RBFOX1: variants seen among roughly 807,000 people sequenced by gnomAD.
RBFOX1 encodes the protein RNA binding protein fox-1 homolog 1.
Under a neutral mutation model 57.7 loss-of-function variants are expected in RBFOX1, and 8 were observed. The ratio of observed to expected loss-of-function variants is 0.14; its 90% CI spans 0.08 to 0.25. The LOEUF (loss-of-function observed/expected upper bound fraction) is 0.25. Among genes scored for constraint, RBFOX1 ranks in the 10% least tolerant of loss-of-function variants. The probability of loss-of-function intolerance (pLI) is 1.00; values close to 1 mark genes in which losing one functional copy is unlikely to be tolerated. For missense variants in RBFOX1, 611 were observed against 548.5 expected (o/e 1.11, Z -1.14); for synonymous variants, 326 against 222.4 (o/e 1.47, Z -4.15).
chr16:5,921,612 A>G (rs1199773779), intron 4 of RBFOX1, among the ~76,000 whole-genome samples: 1 of 152,176 alleles, frequency 6.6e-6, no homozygotes, highest in Non-Finnish European at 1.5e-5. Flanking sequence ...AGGAAAAGGA[A>G]GTGTGTTAGG....
intron 3 of RBFOX1, among the ~76,000 whole-genome samples, chr16:6,795,801 C>G (rs139743113): frequency 6.6e-6 from 1 of 151,420 alleles, no homozygotes; most frequent in South Asian, 2.1e-4. Context: ...AGATAGTCAT[C>G]GTTGCTTTCT....
At chr16:5,807,166 A>C (rs1056812560) in intron 3 of RBFOX1, among the ~76,000 whole-genome samples, 9 of 152,150 alleles carry the variant, frequency 5.9e-5, no homozygotes, top group Non-Finnish European at 1.3e-4. Context: ...TTAACCTCTC[A>C]GAGCCTTCTT....
intron 3 of RBFOX1, among the ~76,000 whole-genome samples, chr16:5,830,322 C>G (rs529892919): frequency 6.6e-6 from 1 of 151,882 alleles, no homozygotes; most frequent in Non-Finnish European, 1.5e-5. Context: ...ATCCAATTGT[C>G]TAACAGGCCT....
intron 3 of RBFOX1, among the ~76,000 whole-genome samples, chr16:6,804,806 C>T (rs1438339499): frequency 2.0e-5 from 3 of 152,156 alleles, no homozygotes; most frequent in Non-Finnish European, 1.5e-5. Context: ...TGTGCATTTG[C>T]CACTCTGACT....
intron 2 of RBFOX1, among the ~76,000 whole-genome samples, chr16:5,518,024 A>G (rs1211966358): frequency 6.6e-6 from 1 of 152,118 alleles, no homozygotes; most frequent in Non-Finnish European, 1.5e-5. Context: ...ATTATTCAAA[A>G]CTAATGTTAA....
At chr16:5,658,505 A>T (rs930841082) in intron 3 of RBFOX1, among the ~76,000 whole-genome samples, 2 of 152,054 alleles carry the variant, frequency 1.3e-5, no homozygotes, top group Non-Finnish European at 2.9e-5. Flanking sequence ...TGATTTTCCA[A>T]TTTAACTCAC....
At chr16:7,264,051 T>C (rs1356847125) in intron 4 of RBFOX1, among the ~76,000 whole-genome samples, 1 of 152,154 alleles carries the variant, frequency 6.6e-6, no homozygotes, top group African/African-American at 2.4e-5. Context: ...CTAGACACTT[T>C]GCTTTTAGCA....
In RBFOX1 at chr16:7,407,451, T is replaced by C. The variant is rs566648071; in HGVS notation, c.28-110696T>C. Among the ~76,000 whole-genome samples, 10 of 152,050 alleles carry C rather than the reference T, an allele frequency of 6.6e-5. No individual in the cohort carries two copies. In the East Asian group the frequency reaches 1.9e-3, roughly 30 times the overall value. On this transcript the variant is annotated intron_variant, in intron 4 of 15. Transcript: ENST00000550418. ...AATGGCACACAGCAAAAAGAAGCCA[T>C]GATACTAATTATTCTCAGACAGGTA... is the stretch of plus-strand genomic sequence containing the variant.
At chr16:7,488,636 C>G (rs557487439) in intron 4 of RBFOX1, among the ~76,000 whole-genome samples, 1 of 152,176 alleles carries the variant, frequency 6.6e-6, no homozygotes, top group Admixed American at 6.5e-5. Context: ...ATTTACCTAT[C>G]ACTCTATTTG....
intron 3 of RBFOX1, among the ~76,000 whole-genome samples, chr16:5,788,112 C>T (rs190655902): frequency 7.9e-4 from 121 of 152,220 alleles, no homozygotes; most frequent in African/African-American, 2.8e-3. Context: ...GGCGGAGATT[C>T]GACTGCTGAA....
intron 3 of RBFOX1, among the ~76,000 whole-genome samples, chr16:6,971,273 G>T (rs551158630): frequency 2.0e-5 from 3 of 152,256 alleles, no homozygotes; most frequent in East Asian, 3.9e-4. Flanking sequence ...AACACCTTGG[G>T]GATTCATATG....
chr16:7,688,278 A>AGAGAGAGG (rs2076551838), intron 14 of RBFOX1, among the ~76,000 whole-genome samples: 1 of 150,976 alleles, frequency 6.6e-6, no homozygotes, highest in African/African-American at 2.4e-5. Context: ...AGAGAGAGAG[A>AGAGAGAGG]GAGAGATTCA....
chr16:6,702,729 T>C (rs11077073), intron 3 of RBFOX1, among the ~76,000 whole-genome samples: 149,457 of 152,292 alleles, frequency 0.98, 73,398 homozygotes, highest in Middle Eastern at 1. Flanking sequence ...TTTGTTTTAG[T>C]CTTTAGATTT....
At chr16:6,333,506 C>T (rs1037065810) in intron 2 of RBFOX1, among the ~76,000 whole-genome samples, 1 of 152,148 alleles carries the variant, frequency 6.6e-6, no homozygotes, top group East Asian at 1.9e-4. Context: ...CTTCTCTTTG[C>T]CTCACATTCT....
At chr16:5,784,149 C>T (rs900915801) in intron 3 of RBFOX1, among the ~76,000 whole-genome samples, 9 of 152,182 alleles carry the variant, frequency 5.9e-5, no homozygotes, top group African/African-American at 1.4e-4. Flanking sequence ...CAGCCGGGCG[C>T]GGTGGCTCAC....
At chr16:7,189,606 C>G (rs569566049) in intron 4 of RBFOX1, among the ~76,000 whole-genome samples, 1 of 147,840 alleles carries the variant, frequency 6.8e-6, no homozygotes, top group Non-Finnish European at 1.5e-5. Flanking sequence ...CAAAATAGAG[C>G]ACATAAGCCA....
chr16:6,903,291 C>A (rs116523972), intron 3 of RBFOX1, among the ~76,000 whole-genome samples: 1 of 152,064 alleles, frequency 6.6e-6, no homozygotes, highest in Non-Finnish European at 1.5e-5. Flanking sequence ...GAGGGCTGAC[C>A]GTTCCTAGAG....
intron 4 of RBFOX1, among the ~76,000 whole-genome samples, chr16:5,960,695 A>T (rs1024399553): frequency 1.3e-5 from 2 of 152,160 alleles, no homozygotes; most frequent in African/African-American, 4.8e-5. Context: ...AAGAGTTTTC[A>T]ACTTCACAGA....
intron 3 of RBFOX1, among the ~76,000 whole-genome samples, chr16:6,830,202 CCA>C: frequency 6.6e-6 from 1 of 152,316 alleles, no homozygotes; most frequent in Middle Eastern, 3.4e-3. Context: ...CAGGTGTGAG[CCA>C]CCATGCCTGG....
Sources: allele counts gnomAD v4.1 joint callset (sites outside exome capture counted in the v4.1 genomes callset), GRCh38; gene constraint gnomAD v4.1.1; transcripts MANE v1.5; gene names NCBI Gene and HGNC (gene_info 2026-07-23, HGNC 2026-07-21).